Variants in COL25A1 observed in about 807,000 individuals in gnomAD.
COL25A1 encodes collagen type XXV alpha 1 chain, also known as collagen alpha-1(XXV) chain.
Under a neutral mutation model 128.4 loss-of-function variants are expected in COL25A1, and 103 were observed. The observed-to-expected ratio is 0.80, with a 90% CI of 0.68 to 0.94. The LOEUF (loss-of-function observed/expected upper bound fraction) is 0.94, where lower values mean the gene tolerates loss of function less well. Ranked by LOEUF, COL25A1 falls within the 40% of genes least tolerant of loss-of-function variation. COL25A1 has a pLI of 0.00. For synonymous variants in COL25A1, 279 were observed against 277.2 expected (o/e 1.01, Z -0.06); for missense variants, 745 against 840.0 (o/e 0.89, Z 1.40).
intron 3 of COL25A1, among the ~76,000 whole-genome samples, chr4:109,050,442 G>A (rs1285535263): frequency 6.6e-6 from 1 of 151,950 alleles, no homozygotes; most frequent in Non-Finnish European, 1.5e-5. Context: ...TGTTCATCCT[G>A]CTTTAATATC....
intron 3 of COL25A1, among the ~76,000 whole-genome samples, chr4:109,238,199 T>G (rs1329658728): frequency 6.6e-6 from 1 of 152,096 alleles, no homozygotes; most frequent in Non-Finnish European, 1.5e-5. Context: ...TGCTGGATCT[T>G]ATGGTAATTC....
intron 6 of COL25A1, among the ~76,000 whole-genome samples, chr4:108,987,275 C>T (rs570040881): frequency 2.0e-3 from 271 of 134,632 alleles, no homozygotes; most frequent in African/African-American, 6.3e-3. Context: ...CCTCTGTCTT[C>T]TCACTCTCTC....
intron 8 of COL25A1, among the ~76,000 whole-genome samples, chr4:108,972,713 CT>C (rs1752040445): frequency 6.6e-6 from 1 of 152,152 alleles, no homozygotes; most frequent in South Asian, 2.1e-4. Context: ...TAAATGGGCT[CT>C]GAATTGAGTG....
chr4:108,813,835 C>A lies in COL25A1; in HGVS notation c.*92G>T. 1.0e-6 allele frequency: 1 copy of A among 1,001,026 alleles called. No homozygotes were observed. Among genetic ancestry groups the A allele is most frequent in the Non-Finnish European group, 1.6e-6 (1 of 644,684 alleles). 62.0% of individuals were successfully genotyped at this position (1,001,026 alleles called of 1,614,324 possible). The stretch of plus-strand genomic sequence containing the variant: ...GAAGCAGCCCTATGTAAACATATCT[C>A]AGACTTGTAAAATCTGCAATTCAGT... On this transcript the variant is annotated 3_prime_UTR_variant, in exon 38 of 38. Transcript: ENST00000399132.
At chr4:108,865,111 C>G (rs1737729482) in intron 20 of COL25A1, among the ~76,000 whole-genome samples, 1 of 152,068 alleles carries the variant, frequency 6.6e-6, no homozygotes, top group Non-Finnish European at 1.5e-5. Context: ...TTTAATACTC[C>G]CTAAACACAG....
At chr4:108,921,852 G>A (rs1745530095) in intron 11 of COL25A1, among the ~76,000 whole-genome samples, 2 of 152,032 alleles carry the variant, frequency 1.3e-5, no homozygotes, top group South Asian at 4.1e-4. Context: ...GTTTATCTGT[G>A]TGGTCAGACA....
At chr4:108,894,186 G>T (rs893038533) in intron 16 of COL25A1, among the ~76,000 whole-genome samples, 1 of 151,994 alleles carries the variant, frequency 6.6e-6, no homozygotes, top group Non-Finnish European at 1.5e-5. Context: ...TCTTTTCAAA[G>T]AAAAAAGCTG....
At chr4:109,281,145 T>C (rs1723353914) in intron 3 of COL25A1, among the ~76,000 whole-genome samples, 1 of 152,154 alleles carries the variant, frequency 6.6e-6, no homozygotes, top group African/African-American at 2.4e-5. Flanking sequence ...TGCAAAGGAC[T>C]CTTCTAAATA....
chr4:108,995,517 A>G (rs775946333), intron 6 of COL25A1, among the ~76,000 whole-genome samples: 6 of 152,224 alleles, frequency 3.9e-5, no homozygotes, highest in Non-Finnish European at 7.3e-5. Context: ...AGTGACGGGG[A>G]GAATGGAACC....
intron 34 of COL25A1, among the ~76,000 whole-genome samples, chr4:108,824,539 C>T (rs1359009598): frequency 6.6e-6 from 1 of 152,204 alleles, no homozygotes; most frequent in Admixed American, 6.5e-5. Context: ...CCTCTCTGCA[C>T]TTTAGTCCGT....
At chr4:109,154,244 T>C (rs1050836611) in intron 3 of COL25A1, among the ~76,000 whole-genome samples, 1 of 152,156 alleles carries the variant, frequency 6.6e-6, no homozygotes, top group Non-Finnish European at 1.5e-5. Context: ...TTCTAAATAA[T>C]GAGTAGCAAT....
At position 108,845,198 on chromosome 4, in the gene COL25A1, C is replaced by T. The variant is rs370474958; in HGVS notation, c.1569G>A (p.Gln523=). 6 of 1,613,800 alleles carry T rather than the reference C, an allele frequency of 3.7e-6. No homozygotes were observed. The highest frequency in any genetic ancestry group is 1.7e-6 in the Non-Finnish European group (2 of 1,179,682). The change falls in exon 29 of 38, where the codon CAG becomes CAA. Residue 523 remains glutamine, a synonymous_variant. Transcript: ENST00000399132. ...GCCACCATGGACTTACAGAAGGACC[C>T]TGTGGACCCGGCATTCCAGAATCTC... ...EKGDSGMPGP[Q]GPSIIGPPGP...
intron 5 of COL25A1, among the ~76,000 whole-genome samples, chr4:109,016,111 A>G (rs1757187769): frequency 6.6e-6 from 1 of 152,180 alleles, no homozygotes. Context: ...GAACCTGGGA[A>G]GCCCCTCCTG....
intron 3 of COL25A1, among the ~76,000 whole-genome samples, chr4:109,185,734 A>G (rs987403208): frequency 1.3e-5 from 2 of 152,116 alleles, no homozygotes; most frequent in South Asian, 2.1e-4. Context: ...TAGTGTCCTT[A>G]TAAGAGTGTG....
chr4:108,821,087 A>G (rs1362614595), intron 35 of COL25A1, among the ~76,000 whole-genome samples: 2 of 152,256 alleles, frequency 1.3e-5, no homozygotes, highest in Admixed American at 1.3e-4. Context: ...AAGCAAAGCA[A>G]CATGAATATT....
At chr4:108,870,989 AACATATTTCTTAT>A (rs1300732232) in intron 19 of COL25A1, among the ~76,000 whole-genome samples, 42 of 152,186 alleles carry the variant, frequency 2.8e-4, no homozygotes, top group East Asian at 3.9e-4. Context: ...ATGTTGCAAA[AACATATTTCTTAT>A]ACATATTTCT....
chr4:109,048,061 A>G, intron 5 of COL25A1, 107 bp downstream of exon 5: 2 of 1,280,786 alleles, frequency 1.6e-6, no homozygotes, highest in Non-Finnish European at 2.3e-6. Context: ...AAGGTCAGTA[A>G]CATTTTTCTA....
intron 13 of COL25A1, among the ~76,000 whole-genome samples, chr4:108,916,855 T>C (rs1470205348): frequency 3.9e-5 from 6 of 152,076 alleles, no homozygotes; most frequent in Admixed American, 2.0e-4. Flanking sequence ...GAGTGTGCGG[T>C]GTTTGGTTTA....
At chr4:108,896,254 T>C (rs1278432013) in intron 16 of COL25A1, among the ~76,000 whole-genome samples, 1 of 151,988 alleles carries the variant, frequency 6.6e-6, no homozygotes, top group African/African-American at 2.4e-5. Flanking sequence ...GGCCTCAAAC[T>C]TGTAAATCTC....
Sources: allele counts gnomAD v4.1 joint callset (sites outside exome capture counted in the v4.1 genomes callset), GRCh38; gene constraint gnomAD v4.1.1; transcripts MANE v1.5; gene names NCBI Gene and HGNC (gene_info 2026-07-23, HGNC 2026-07-21).